PLCG2: variants seen among roughly 807,000 people sequenced by gnomAD.
PLCG2 encodes the protein phospholipase C gamma 2.
A neutral mutation model predicts 175.6 loss-of-function variants in PLCG2; 69 were observed. The observed-to-expected ratio is 0.39, with a 90% CI of 0.32 to 0.48. The LOEUF (loss-of-function observed/expected upper bound fraction) is 0.48, where lower values mean the gene tolerates loss of function less well. PLCG2 is among the 20% of genes least tolerant of loss of function. The probability of loss-of-function intolerance (pLI) is 0.91; values close to 1 mark genes in which losing one functional copy is unlikely to be tolerated. For missense variants in PLCG2, 1,798 were observed against 1,650.9 expected (o/e 1.09, Z -1.54); for synonymous variants, 827 against 624.0 (o/e 1.33, Z -4.85).
At chr16:81,791,817 G>C (rs1911244188) in intron 2 of PLCG2, among the ~76,000 whole-genome samples, 2 of 152,110 alleles carry the variant, frequency 1.3e-5, no homozygotes, top group African/African-American at 4.8e-5. Context: ...TGCCCACCCT[G>C]GCCTCCCAAA....
At chr16:81,870,715 T>G (rs1234758785) in intron 6 of PLCG2, 137 bp from the exon 7 acceptor site, 1 of 477,368 alleles carries the variant, frequency 2.1e-6, no homozygotes. Context: ...ACTGAAACAA[T>G]GTGGTCATAG....
chr16:81,922,844 T>C (rs1362491940), intron 21 of PLCG2, among the ~76,000 whole-genome samples: 2 of 152,266 alleles, frequency 1.3e-5, no homozygotes, highest in Non-Finnish European at 2.9e-5. Flanking sequence ...AGCAAATTCA[T>C]TGAAGAAAAT....
rs1236002100 is a variant in PLCG2 at position 81,962,133 on chromosome 16, T to A, written c.*4135T>A. The stretch of plus-strand genomic sequence containing the variant: ...GTCAAGGGTATACGAGTAGCTGCGC[T>A]CCCCTGCTGGAACCTCCAAACAAGC... On this transcript the variant is annotated 3_prime_UTR_variant, in exon 33 of 33. Transcript: ENST00000564138. The A allele has an allele frequency of 5.4e-6, 1 of 185,420 alleles. No individual in the cohort carries two copies. The highest frequency in any genetic ancestry group is 2.3e-5 in the African/African-American group (1 of 42,586). 11.5% of individuals were successfully genotyped at this position (185,420 alleles called of 1,614,324 possible).
chr16:81,957,697 C>A (rs759099143), intron 32 of PLCG2, among the ~76,000 whole-genome samples: 7 of 152,116 alleles, frequency 4.6e-5, no homozygotes, highest in Non-Finnish European at 1.0e-4. Flanking sequence ...TGTGCTGCCT[C>A]CCTTACTCAC....
At chr16:81,812,669 C>A (rs2039406903) in intron 2 of PLCG2, among the ~76,000 whole-genome samples, 1 of 152,188 alleles carries the variant, frequency 6.6e-6, no homozygotes, top group Non-Finnish European at 1.5e-5. Context: ...TTTTGCTGTG[C>A]AGAAGCTCTT....
In PLCG2 at chr16:81,807,664, T is replaced by G. The variant is rs566747338; in HGVS notation, c.193+21482T>G. On this transcript the variant is annotated intron_variant, in intron 2 of 32. Coordinates refer to ENST00000564138, the MANE Select transcript of PLCG2 (RefSeq NM_002661.5). Reference sequence around the variant, plus strand: ...GAGAACATTGAGGCATAGCCCAGGGTCACTGTATTAGTCTGTTCTCACGGC... The same window carrying G: ...GAGAACATTGAGGCATAGCCCAGGGGCACTGTATTAGTCTGTTCTCACGGC... Among the ~76,000 whole-genome samples, 14 of 152,290 alleles carry G rather than the reference T, an allele frequency of 9.2e-5. No individual in the cohort carries two copies. In the South Asian group the frequency reaches 1.7e-3, roughly 18 times the overall value.
At chr16:81,840,305 TC>T (rs939633288) in intron 2 of PLCG2, among the ~76,000 whole-genome samples, 51 of 152,242 alleles carry the variant, frequency 3.3e-4, no homozygotes, top group African/African-American at 1.2e-3. Flanking sequence ...AGAGCAGCAG[TC>T]CCAGACTTTT....
intron 12 of PLCG2, 159 bp from the exon 13 acceptor site, chr16:81,895,648 C>T (rs1458074460): frequency 4.3e-6 from 3 of 705,478 alleles, no homozygotes; most frequent in African/African-American, 1.8e-5. Flanking sequence ...ACAGGGAACC[C>T]TGCGGATACA....
intron 31 of PLCG2, among the ~76,000 whole-genome samples, chr16:81,953,430 C>T (rs1443111738): frequency 2.6e-5 from 4 of 152,050 alleles, no homozygotes; most frequent in African/African-American, 7.2e-5. Flanking sequence ...TAAGCTTAAG[C>T]TTCCAACATA....
At chr16:81,943,281 C>A (rs181781773) in intron 30 of PLCG2, among the ~76,000 whole-genome samples, 208 of 152,302 alleles carry the variant, frequency 1.4e-3, no homozygotes, top group African/African-American at 4.8e-3. Context: ...GCAGGCTGTA[C>A]AGGCTTTTGT....
chr16:81,745,299 A>G (rs1909682524), intron 1 of PLCG2, among the ~76,000 whole-genome samples: 1 of 152,170 alleles, frequency 6.6e-6, no homozygotes, highest in Non-Finnish European at 1.5e-5. Flanking sequence ...AGTTGCCGGA[A>G]GCCTTCTTGG....
chr16:81,955,662 T>G (rs772024203), intron 31 of PLCG2, among the ~76,000 whole-genome samples: 3 of 152,192 alleles, frequency 2.0e-5, no homozygotes, highest in Admixed American at 6.5e-5. Context: ...CTTGACTCAA[T>G]AGCAACGTGG....
chr16:81,804,873 T>C (rs148587431), intron 2 of PLCG2, among the ~76,000 whole-genome samples: 1 of 152,344 alleles, frequency 6.6e-6, no homozygotes, highest in Admixed American at 6.5e-5. Flanking sequence ...GGGAGCAGTA[T>C]TGAGCATCTG....
intron 1 of PLCG2, among the ~76,000 whole-genome samples, chr16:81,782,513 G>A (rs946189494): frequency 2.6e-5 from 4 of 152,216 alleles, no homozygotes; most frequent in African/African-American, 9.6e-5. Flanking sequence ...AGCGTGGAAC[G>A]CTGGAGACCT....
chr16:81,890,170 A>G (rs901076868), intron 10 of PLCG2, among the ~76,000 whole-genome samples: 4 of 152,142 alleles, frequency 2.6e-5, no homozygotes, highest in Non-Finnish European at 4.4e-5. Flanking sequence ...CTGTAGGAGT[A>G]ACTGAGGAAG....
chr16:81,954,327 ATTCTT>A lies in PLCG2; in HGVS notation c.3571-2355_3571-2351del, dbSNP rs202192451. The stretch of plus-strand genomic sequence containing the variant: ...CTGAGGCACTGCGCCCGGCGACTTG[ATTCTT>A]TTCTTTTCTTTTTCCTTTTCTCTGA... On this transcript the variant is annotated intron_variant, in intron 31 of 32. Coordinates refer to ENST00000564138, the MANE Select transcript of PLCG2 (RefSeq NM_002661.5). Among the ~76,000 whole-genome samples, 386 of 152,130 alleles carry A rather than the reference ATTCTT, an allele frequency of 2.5e-3. 4 individuals are homozygous for A. Among genetic ancestry groups the A allele is most frequent in the African/African-American group, 8.7e-3 (363 of 41,500 alleles).
rs746612517 is a variant in PLCG2, at chr16:81,895,888, T to C, written c.1154T>C (p.Val385Ala). 2.5e-6 allele frequency: 4 copies of C among 1,614,054 alleles called. No individual in the cohort carries two copies. The South Asian group carries it at 3.3e-5, about 13-fold the overall frequency. ...ACTACCAAGATCAAGTTTGACGACG[T>C]CGTGCAGGCCATCAAAGACCACGCC... ...TRTTKIKFDD[V>A]VQAIKDHAFV... The change falls in exon 13 of 33, where the codon GTC becomes GCC. Residue 385 changes from valine to alanine, a missense_variant. Physicochemically the swap from Val to Ala is moderately conservative, Grantham distance 64. Coordinates refer to ENST00000564138, the MANE Select transcript of PLCG2 (RefSeq NM_002661.5).
At chr16:81,752,538 G>C (rs1243420532) in intron 1 of PLCG2, among the ~76,000 whole-genome samples, 1 of 152,238 alleles carries the variant, frequency 6.6e-6, no homozygotes, top group African/African-American at 2.4e-5. Context: ...CCTCGGCTGA[G>C]GGCAGGAGAG....
At chr16:81,923,096 C>G (rs1291346238) in intron 21 of PLCG2, among the ~76,000 whole-genome samples, 1 of 152,124 alleles carries the variant, frequency 6.6e-6, no homozygotes, top group Non-Finnish European at 1.5e-5. Flanking sequence ...ACAGTCTTGG[C>G]TTAATCTAAA....
Sources: gnomAD v4.1 joint callset for allele counts (sites outside exome capture counted in the v4.1 genomes callset) on GRCh38, gnomAD v4.1.1 for gene constraint, MANE v1.5 for transcripts, NCBI Gene and HGNC (gene_info 2026-07-23, HGNC 2026-07-21) for gene names.